NPAT: variants seen among roughly 807,000 people sequenced by gnomAD.
NPAT encodes nuclear protein, coactivator of histone transcription.
In NPAT, 52 loss-of-function variants were observed where a neutral mutation model predicts 130.7. The ratio of observed to expected loss-of-function variants is 0.40; its 90% CI spans 0.32 to 0.50. The LOEUF is 0.50. Ranked by LOEUF, NPAT falls within the 20% of genes least tolerant of loss-of-function variation. The pLI is 0.68. For synonymous variants in NPAT, 580 were observed against 584.8 expected, an observed-to-expected ratio of 0.99 and a Z score of 0.12; for missense variants, 1,687 against 1,662.6, an observed-to-expected ratio of 1.01 and a Z score of -0.26.
chr11:108,192,901 C>T (rs753696931), intron 3 of NPAT, among the ~76,000 whole-genome samples: 1 of 152,064 alleles, frequency 6.6e-6, no homozygotes, highest in Non-Finnish European at 1.5e-5. Context: ...TTGCGGTGAG[C>T]CGAGATCGCG....
At chr11:108,192,390 C>T (rs940669492) in intron 3 of NPAT, among the ~76,000 whole-genome samples, 200 bp from the exon 4 acceptor site, 1 of 152,014 alleles carries the variant, frequency 6.6e-6, no homozygotes, top group African/African-American at 2.4e-5. Flanking sequence ...GTATCAGATA[C>T]AATATGAGTA....
At position 108,200,694 on chromosome 11, in the gene NPAT, A is replaced by G. The variant is rs76018710; in HGVS notation, c.38-3274T>C. The stretch of plus-strand genomic sequence containing the variant: ...ATGCAGGGCTTCCTTAAACCCTGCA[A>G]CAGCCCTTGTAATACTCTGATATTG... On this transcript the variant is annotated intron_variant, in intron 1 of 17. Coordinates refer to ENST00000278612, the MANE Select transcript of NPAT (RefSeq NM_002519.3). Among the ~76,000 whole-genome samples, 1,433 of 152,292 alleles carry G rather than the reference A, an allele frequency of 9.4e-3. 24 individuals are homozygous for G. Among genetic ancestry groups the G allele is most frequent in the African/African-American group, 0.032 (1,328 of 41,548 alleles).
At chr11:108,162,613 G>A (rs2077862890) in intron 15 of NPAT, among the ~76,000 whole-genome samples, 2 of 152,096 alleles carry the variant, frequency 1.3e-5, no homozygotes, top group Admixed American at 6.6e-5. Flanking sequence ...TGTATTTTTA[G>A]TAGAGATGGG....
intron 12 of NPAT, among the ~76,000 whole-genome samples, chr11:108,175,789 T>C (rs1037279290): frequency 6.6e-6 from 1 of 152,180 alleles, no homozygotes. Flanking sequence ...TGTGCCTTAA[T>C]AAAAATAAAT....
At position 108,176,341 on chromosome 11, in the gene NPAT, C is replaced by T; in HGVS notation, c.1037G>A (p.Ser346Asn). The change falls in exon 12 of 18, where the codon AGT (serine) becomes AAT (asparagine). Residue 346 changes from serine to asparagine, a missense_variant. Ser to Asn is a conservative substitution (Grantham distance 46). Transcript: ENST00000278612. ...KTKNNKNISQ[S>N]ISSQPMESNP... ...GGATTCCATAGGTTGACTGGAAATA[C>T]TTTGTGATATATTTTTATTATTCTT... The T allele has an allele frequency of 6.4e-7, 1 of 1,555,620 alleles. No homozygotes were observed. Among genetic ancestry groups the T allele is most frequent in the Non-Finnish European group, 8.9e-7 (1 of 1,127,308 alleles).
In NPAT at chr11:108,157,267, A is replaced by G. The variant is rs2077806439; in HGVS notation, c.*1675T>C. On this transcript the variant is annotated 3_prime_UTR_variant, in exon 18 of 18. Transcript: ENST00000278612. ...GAATTTTCAGTGCTTAGTACATACA[A>G]CTATGAATTGAATAAGAAGAAAACT... is the stretch of plus-strand genomic sequence containing the variant. 6.6e-6 allele frequency: 1 copy of G among 152,178 alleles called. No individual in the cohort carries two copies. Among genetic ancestry groups the G allele is most frequent in the Non-Finnish European group, 1.5e-5 (1 of 68,000 alleles). The allele number at this position is 152,178 out of a possible 1,614,324, so 9.4% of individuals were successfully genotyped here.
chr11:108,182,427 C>T (rs190863459), intron 10 of NPAT, among the ~76,000 whole-genome samples: 18 of 152,234 alleles, frequency 1.2e-4, no homozygotes, highest in Admixed American at 1.2e-3. Flanking sequence ...CGTCCTGGTG[C>T]TACTTCTCGA....
At chr11:108,159,088 A>AT in intron 17 of NPAT, 69 bp from the exon 18 acceptor site, 1 of 957,040 alleles carries the variant, frequency 1.0e-6, no homozygotes, top group Non-Finnish European at 1.6e-6. Flanking sequence ...AAGTCACCTA[A>AT]AACAGTATAT....
chr11:108,190,358 A>G (rs2078157318), intron 5 of NPAT, 102 bp downstream of exon 5: 1 of 830,942 alleles, frequency 1.2e-6, no homozygotes, highest in African/African-American at 1.8e-5. Flanking sequence ...CAGTAGTTTA[A>G]GGAAAATATA....
intron 15 of NPAT, among the ~76,000 whole-genome samples, chr11:108,166,455 T>G (rs1335030271): frequency 6.6e-6 from 1 of 152,188 alleles, no homozygotes; most frequent in Non-Finnish European, 1.5e-5. Context: ...CTCTTATACA[T>G]TCTTCTATCA....
chr11:108,160,760 A>C, intron 17 of NPAT, 120 bp downstream of exon 17: 1 of 877,364 alleles, frequency 1.1e-6, no homozygotes, highest in Non-Finnish European at 1.8e-6. Flanking sequence ...GTCAATGAAA[A>C]CTAAAAGCTG....
chr11:108,217,388 G>A (rs997569679), intron 1 of NPAT, among the ~76,000 whole-genome samples: 1 of 152,002 alleles, frequency 6.6e-6, no homozygotes, highest in Non-Finnish European at 1.5e-5. Context: ...AAGTGTTTTG[G>A]ACTTTATTTA....
chr11:108,208,588 T>TA (rs34033921), intron 1 of NPAT: 122,778 of 271,540 alleles, frequency 0.45, 20,109 homozygotes, highest in Admixed American at 0.55. Flanking sequence ...ACCCTGTCTT[T>TA]AAAAAAAAAA....
chr11:108,177,814 G>A (rs4754301), intron 10 of NPAT, among the ~76,000 whole-genome samples: 80,033 of 151,820 alleles, frequency 0.53, 21,902 homozygotes, highest in Middle Eastern at 0.73. Flanking sequence ...TTGACCTCCC[G>A]AGCTCAGGTG....
chr11:108,158,189 A>C lies in NPAT; in HGVS notation c.*753T>G, dbSNP rs1218082141. 6.6e-6 allele frequency: 1 copy of C among 152,496 alleles called. No homozygotes were observed. Among genetic ancestry groups the C allele is most frequent in the African/African-American group, 2.4e-5 (1 of 41,444 alleles). 9.4% of individuals were successfully genotyped at this position (152,496 alleles called of 1,614,324 possible). A position where few individuals can be genotyped will look rare whatever the true frequency, so the allele number is the denominator to read the frequency against. On this transcript the variant is annotated 3_prime_UTR_variant, in exon 18 of 18. Transcript: ENST00000278612. ...TACCGAGAAATCTCTACTACAAACCAAAATTTTATGGCTCAATAGTCTAAC... is the reference window on the plus strand; with the variant it reads ...TACCGAGAAATCTCTACTACAAACCCAAATTTTATGGCTCAATAGTCTAAC...
chr11:108,164,654 A>G (rs948753889), intron 15 of NPAT, among the ~76,000 whole-genome samples: 2 of 152,214 alleles, frequency 1.3e-5, no homozygotes, highest in African/African-American at 4.8e-5. Flanking sequence ...TCTAATAAAA[A>G]GGTGAAAAAT....
rs773108102 is a variant in NPAT at position 108,193,942 on chromosome 11, A to T, written c.217+15T>A. ...TGTATACATCAGCAAAAAAACTCCA[A>T]ATCAGAACTCTTACCTTTTGTTTTC... On this transcript the variant is annotated intron_variant, in intron 3 of 17. Transcript: ENST00000278612. 4.6e-6 allele frequency: 7 copies of T among 1,517,086 alleles called. No individual in the cohort carries two copies. Among genetic ancestry groups the T allele is most frequent in the East Asian group, 2.3e-5 (1 of 44,362 alleles). 94.0% of individuals were successfully genotyped at this position (1,517,086 alleles called of 1,614,324 possible). A position where few individuals can be genotyped will look rare whatever the true frequency, so the allele number is the denominator to read the frequency against.
At chr11:108,201,863 AAC>A (rs2078278036) in intron 1 of NPAT, among the ~76,000 whole-genome samples, 1 of 152,214 alleles carries the variant, frequency 6.6e-6, no homozygotes, top group South Asian at 2.1e-4. Flanking sequence ...CATGACTATG[AAC>A]AGATAGTAGT....
At chr11:108,218,162 AC>A (rs1303983339) in intron 1 of NPAT, among the ~76,000 whole-genome samples, 1 of 152,194 alleles carries the variant, frequency 6.6e-6, no homozygotes, top group Non-Finnish European at 1.5e-5. Context: ...AAACTTACTG[AC>A]AAAGGTCCCC....
Sources: allele counts gnomAD v4.1 joint callset (sites outside exome capture counted in the v4.1 genomes callset), GRCh38; gene constraint gnomAD v4.1.1; transcripts MANE v1.5; gene names NCBI Gene and HGNC (gene_info 2026-07-23, HGNC 2026-07-21).